The following CPNE4 variants were observed in gnomAD, a reference collection of about 807,000 sequenced individuals.
CPNE4 encodes copine-4.
CPNE4 carries 25 observed loss-of-function variants against 67.9 expected under a neutral mutation model. The observed-to-expected ratio is 0.37, with a 90% confidence interval of 0.27 to 0.51. CPNE4 has a LOEUF of 0.51. Ranked by LOEUF, CPNE4 falls within the 20% of genes least tolerant of loss-of-function variation. The probability of loss-of-function intolerance (pLI) is 0.93; values close to 1 mark genes in which losing one functional copy is unlikely to be tolerated. For synonymous variants in CPNE4, 242 were observed against 244.9 expected, an observed-to-expected ratio of 0.99 and a Z score of 0.11; for missense variants, 464 against 690.8, an observed-to-expected ratio of 0.67 and a Z score of 3.68.
intron 1 of CPNE4, among the ~76,000 whole-genome samples, chr3:132,011,779 A>G (rs2073769400): frequency 6.6e-6 from 1 of 152,206 alleles, no homozygotes; most frequent in Non-Finnish European, 1.5e-5. Flanking sequence ...GAAGAAACAT[A>G]TACCACAGCT....
intron 2 of CPNE4, among the ~76,000 whole-genome samples, chr3:131,848,970 A>AAAAAAAAC (rs1560458744): frequency 1.3e-4 from 19 of 149,110 alleles, no homozygotes; most frequent in African/African-American, 4.5e-4. Flanking sequence ...AAAAAAAAAA[A>AAAAAAAAC]AAAAAAAAAA....
At chr3:131,887,257 T>C (rs1010584000) in intron 2 of CPNE4, among the ~76,000 whole-genome samples, 1 of 152,220 alleles carries the variant, frequency 6.6e-6, no homozygotes, top group African/African-American at 2.4e-5. Context: ...CGTCATTCTC[T>C]CTTTGCCTGC....
chr3:131,565,549 A>C lies in CPNE4; in HGVS notation c.928-1200T>G, dbSNP rs113319788. On this transcript the variant is annotated intron_variant, in intron 10 of 15. Transcript: ENST00000429747. ...TAAGGTATAAGTTGATGGGGAAAAAAATGTTAGTCACATCTGATATTGTAC... is the reference window on the plus strand; with the variant it reads ...TAAGGTATAAGTTGATGGGGAAAAACATGTTAGTCACATCTGATATTGTAC... Among the ~76,000 whole-genome samples, 358 of 152,184 alleles carry C rather than the reference A, an allele frequency of 2.4e-3. 2 individuals carry two copies. Among genetic ancestry groups the C allele is most frequent in the Non-Finnish European group, 4.4e-3 (299 of 67,946 alleles).
At chr3:131,622,155 C>T (rs374584766) in intron 7 of CPNE4, among the ~76,000 whole-genome samples, 18 of 151,850 alleles carry the variant, frequency 1.2e-4, no homozygotes, top group East Asian at 9.6e-4. Flanking sequence ...AACTCAGAGA[C>T]GGTTTATTAT....
At chr3:131,873,586 T>A (rs1289036513) in intron 2 of CPNE4, among the ~76,000 whole-genome samples, 1 of 152,206 alleles carries the variant, frequency 6.6e-6, no homozygotes, top group Admixed American at 6.5e-5. Flanking sequence ...TGAGAAACAC[T>A]TCGTTTAGCA....
rs560468801 is a variant in CPNE4, at chr3:131,895,181, G to A, written c.180+10083C>T. On this transcript the variant is annotated intron_variant, in intron 2 of 15. Coordinates refer to ENST00000429747, the MANE Select transcript of CPNE4 (RefSeq NM_130808.3). The stretch of plus-strand genomic sequence containing the variant: ...AGAAAGTTGGTATCATAGAAGCAGA[G>A]AGTAGAACAGTGGATACCAGAGGCT... Among the ~76,000 whole-genome samples, 48 of 152,104 alleles carry A rather than the reference G, an allele frequency of 3.2e-4. 1 individual carries two copies. In the South Asian group the frequency reaches 9.5e-3, roughly 30 times the overall value.
intron 2 of CPNE4, among the ~76,000 whole-genome samples, chr3:131,764,153 T>C (rs1273555374): frequency 6.6e-6 from 1 of 152,060 alleles, no homozygotes; most frequent in Admixed American, 6.6e-5. Flanking sequence ...TCTCAAACTC[T>C]ATTTATGTTA....
chr3:132,006,344 T>A (rs899458797), intron 1 of CPNE4, among the ~76,000 whole-genome samples: 2 of 152,092 alleles, frequency 1.3e-5, no homozygotes, highest in African/African-American at 2.4e-5. Flanking sequence ...CCTCTTAGGG[T>A]CATTGCGAAG....
chr3:131,706,666 A>C (rs1560151322), intron 3 of CPNE4, among the ~76,000 whole-genome samples: 1 of 152,196 alleles, frequency 6.6e-6, no homozygotes, highest in African/African-American at 2.4e-5. Flanking sequence ...TAACATCAAC[A>C]TAGACTTTAA....
intron 1 of CPNE4, among the ~76,000 whole-genome samples, chr3:131,952,023 C>CATCGTCTG (rs1227754652): frequency 6.7e-6 from 1 of 150,088 alleles, no homozygotes. Flanking sequence ...CCTGGCCGCC[C>CATCGTCTG]ATCGTCTGGG....
chr3:132,036,316 G>C (rs1031823915), upstream of CPNE4, among the ~76,000 whole-genome samples: 4 of 152,016 alleles, frequency 2.6e-5, no homozygotes, highest in Admixed American at 1.3e-4. Context: ...TTTGGATATG[G>C]AATTACACTA....
At chr3:131,651,887 T>A (rs899438568) in intron 7 of CPNE4, among the ~76,000 whole-genome samples, 2 of 152,156 alleles carry the variant, frequency 1.3e-5, no homozygotes, top group African/African-American at 4.8e-5. Flanking sequence ...TTTTTTTCAC[T>A]GGGATGATAA....
chr3:131,778,996 T>C (rs1366195840), intron 2 of CPNE4, among the ~76,000 whole-genome samples: 1 of 152,106 alleles, frequency 6.6e-6, no homozygotes, highest in Non-Finnish European at 1.5e-5. Flanking sequence ...AGTTTTATGA[T>C]ACAGAATCAA....
chr3:131,538,971 G>A (rs71315616), intron 15 of CPNE4: 1 of 152,096 alleles, frequency 6.6e-6, no homozygotes, highest in Admixed American at 6.5e-5. Context: ...TGTTATATGA[G>A]CAGGAAAAAA....
intron 2 of CPNE4, among the ~76,000 whole-genome samples, chr3:131,789,628 T>C (rs1004358088): frequency 3.3e-5 from 5 of 152,178 alleles, no homozygotes; most frequent in East Asian, 1.9e-4. Flanking sequence ...TATGTCACTG[T>C]TTGCTATGAT....
At chr3:131,725,987 TA>T (rs1487980798) in intron 2 of CPNE4, among the ~76,000 whole-genome samples, 4 of 152,210 alleles carry the variant, frequency 2.6e-5, no homozygotes, top group Non-Finnish European at 4.4e-5. Context: ...ATGAGCCATA[TA>T]AGAGATTTAA....
intron 1 of CPNE4, among the ~76,000 whole-genome samples, chr3:131,937,012 T>A (rs1384590766): frequency 1.3e-5 from 2 of 151,314 alleles, no homozygotes; most frequent in Non-Finnish European, 2.9e-5. Context: ...AATTAAAGAT[T>A]AGAGAGACAA....
intron 1 of CPNE4, among the ~76,000 whole-genome samples, chr3:131,925,294 G>T (rs1300452466): frequency 6.6e-6 from 1 of 151,946 alleles, no homozygotes; most frequent in Non-Finnish European, 1.5e-5. Context: ...GGTGGCCAAG[G>T]AGCCAGAGCC....
intron 2 of CPNE4, among the ~76,000 whole-genome samples, chr3:131,813,183 A>C (rs1310807009): frequency 6.6e-6 from 1 of 152,060 alleles, no homozygotes; most frequent in Non-Finnish European, 1.5e-5. Flanking sequence ...AAATCTGGGA[A>C]GACTATGTTG....
Sources: allele counts gnomAD v4.1 joint callset (sites outside exome capture counted in the v4.1 genomes callset), GRCh38; gene constraint gnomAD v4.1.1; transcripts MANE v1.5; gene names NCBI Gene and HGNC (gene_info 2026-07-23, HGNC 2026-07-21).